The following AJAP1 variants were observed in gnomAD, a reference collection of about 807,000 sequenced individuals.
AJAP1 encodes adherens junction-associated protein 1.
AJAP1 carries 5 observed loss-of-function variants against 35.0 expected under a neutral mutation model. The observed-to-expected ratio is 0.14, with a 90% CI of 0.07 to 0.30. AJAP1 has a LOEUF of 0.30. Ranked by LOEUF, AJAP1 falls within the 10% of genes least tolerant of loss-of-function variation. The pLI, the probability that AJAP1 is intolerant of heterozygous loss-of-function variation, is 1.00. For missense variants in AJAP1, 586 were observed against 571.0 expected, an observed-to-expected ratio of 1.03 and a Z score of -0.27; for synonymous variants, 284 against 249.3, an observed-to-expected ratio of 1.14 and a Z score of -1.31.
Position 4,684,212 on chromosome 1 carries a change from G to C in AJAP1, c.30-27688G>C, listed in dbSNP as rs535484798. Among the ~76,000 whole-genome samples, 43 of 152,324 alleles carry C rather than the reference G, an allele frequency of 2.8e-4. No homozygotes were observed. The Middle Eastern group carries it at 0.017, about 60-fold the overall frequency. Reference sequence around the variant, plus strand: ...GCAGGGCGGGAATGCATCCCCAGCTGTTTGGGGGGCAGCTGTTAACACGCT... The same window carrying C: ...GCAGGGCGGGAATGCATCCCCAGCTCTTTGGGGGGCAGCTGTTAACACGCT... On this transcript the variant is annotated intron_variant, in intron 1 of 5. Transcript: ENST00000378191.
chr1:4,729,690 G>A (rs554941211), intron 2 of AJAP1, among the ~76,000 whole-genome samples: 1 of 133,224 alleles, frequency 7.5e-6, no homozygotes, highest in South Asian at 2.6e-4. Flanking sequence ...GGCCCACCCC[G>A]ATGGCCTCAT....
chr1:4,714,599 C>T (rs755837119), intron 2 of AJAP1, among the ~76,000 whole-genome samples: 13 of 152,190 alleles, frequency 8.5e-5, no homozygotes, highest in Non-Finnish European at 1.3e-4. Context: ...TAATCCATCT[C>T]GACAGATGCT....
At chr1:4,663,887 G>A (rs968062208) in intron 1 of AJAP1, among the ~76,000 whole-genome samples, 10 of 152,280 alleles carry the variant, frequency 6.6e-5, no homozygotes, top group Admixed American at 2.6e-4. Context: ...GGTGACTCCA[G>A]TACTGCAAAA....
At chr1:4,678,728 G>A (rs59390834) in intron 1 of AJAP1, among the ~76,000 whole-genome samples, 12,300 of 152,222 alleles carry the variant, frequency 0.081, 700 homozygotes, top group East Asian at 0.22. Flanking sequence ...ACTCGAGGGA[G>A]TGCACCATCT....
chr1:4,674,627 A>G (rs1639321844), intron 1 of AJAP1, among the ~76,000 whole-genome samples: 1 of 152,152 alleles, frequency 6.6e-6, no homozygotes. Flanking sequence ...GTGGCTGGCC[A>G]GGCCTTCAGG....
chr1:4,682,356 C>A (rs1639502797), intron 1 of AJAP1, among the ~76,000 whole-genome samples: 1 of 152,214 alleles, frequency 6.6e-6, no homozygotes, highest in South Asian at 2.1e-4. Context: ...CCACCTTCCC[C>A]TATGCATCTC....
rs961325670 is a variant in AJAP1, at chr1:4,785,993, G to C, written c.*3508G>C. 6.6e-6 allele frequency: 1 copy of C among 152,180 alleles called. No individual in the cohort carries two copies. Among genetic ancestry groups the C allele is most frequent in the Admixed American group, 6.5e-5 (1 of 15,280 alleles). The allele number at this position is 152,180 out of a possible 1,614,324, so 9.4% of individuals were successfully genotyped here. A position where few individuals can be genotyped will look rare whatever the true frequency, so the allele number is the denominator to read the frequency against. The stretch of plus-strand genomic sequence containing the variant: ...AGTCGCTGCTAGTCTTCACACGCTT[G>C]ATGTCACTTTGTCTGATTGGAATAT... On this transcript the variant is annotated 3_prime_UTR_variant, in exon 6 of 6. Coordinates refer to ENST00000378191, the MANE Select transcript of AJAP1 (RefSeq NM_018836.4).
chr1:4,666,166 C>T (rs564056754), intron 1 of AJAP1, among the ~76,000 whole-genome samples: 6 of 147,748 alleles, frequency 4.1e-5, no homozygotes, highest in South Asian at 2.2e-4. Context: ...AGGGGCACCC[C>T]GCAGTGAAAT....
At chr1:4,681,275 T>C (rs997292062) in intron 1 of AJAP1, among the ~76,000 whole-genome samples, 6 of 152,228 alleles carry the variant, frequency 3.9e-5, no homozygotes, top group Non-Finnish European at 7.3e-5. Context: ...GCACGGACAG[T>C]GTGCAAAATT....
At chr1:4,708,634 C>T (rs550028767) in intron 1 of AJAP1, among the ~76,000 whole-genome samples, 1 of 152,318 alleles carries the variant, frequency 6.6e-6, no homozygotes, top group South Asian at 2.1e-4. Context: ...GGAGATAGAG[C>T]CAAGTCCTCC....
At chr1:4,661,067 C>G (rs577173707) in intron 1 of AJAP1, among the ~76,000 whole-genome samples, 13 of 152,286 alleles carry the variant, frequency 8.5e-5, no homozygotes, top group Non-Finnish European at 1.8e-4. Context: ...CTTGAGAAGG[C>G]AGACACTGGT....
intron 1 of AJAP1, among the ~76,000 whole-genome samples, chr1:4,689,041 C>T (rs965683686): frequency 6.6e-6 from 1 of 151,996 alleles, no homozygotes; most frequent in Admixed American, 6.6e-5. Flanking sequence ...GTCTGAGACC[C>T]CGCCTGCCCC....
chr1:4,760,267 G>A (rs1046911492), intron 2 of AJAP1, among the ~76,000 whole-genome samples: 2 of 151,758 alleles, frequency 1.3e-5, no homozygotes, highest in East Asian at 1.9e-4. Flanking sequence ...ATGTGTGTCC[G>A]TGTATGTGTG....
intron 3 of AJAP1, among the ~76,000 whole-genome samples, chr1:4,771,699 C>G (rs1283667203): frequency 6.6e-6 from 1 of 152,202 alleles, no homozygotes; most frequent in East Asian, 1.9e-4. Flanking sequence ...GCACGCAGGA[C>G]ACTTCCCTCT....
rs1642232710 is a variant in AJAP1, at chr1:4,790,580, C to T, written c.*8095C>T. Reference sequence around the variant, plus strand: ...GAATTTAACTGCCACAATCTATCCGCAGATGTGTTTTGTTCTATTTCTTGT... The same window carrying T: ...GAATTTAACTGCCACAATCTATCCGTAGATGTGTTTTGTTCTATTTCTTGT... On this transcript the variant is annotated 3_prime_UTR_variant, in exon 6 of 6. Transcript: ENST00000378191. 2 of 152,228 alleles carry T rather than the reference C, an allele frequency of 1.3e-5. No individual in the cohort carries two copies. The highest frequency in any genetic ancestry group is 2.9e-5 in the Non-Finnish European group (2 of 68,042). 9.4% of individuals were successfully genotyped at this position (152,228 alleles called of 1,614,324 possible). A position where few individuals can be genotyped will look rare whatever the true frequency, so the allele number is the denominator to read the frequency against.
rs565913508 is a variant in AJAP1 at position 4,680,478 on chromosome 1, T to C, written c.29+25024T>C. 2.0e-4 allele frequency among the ~76,000 whole-genome samples: 30 copies of C among 152,292 alleles called. 1 individual carries two copies. The highest frequency in any genetic ancestry group is 3.8e-4 in the Non-Finnish European group (26 of 68,014). ...ACAATTCCACCCAGTTACACCCTCC[T>C]ATGGGAGACAGAGGCTGGGTAGGGG... On this transcript the variant is annotated intron_variant, in intron 1 of 5. Transcript: ENST00000378191.
rs560292068 is a variant in AJAP1 at position 4,692,169 on chromosome 1, G to C, written c.30-19731G>C. Among the ~76,000 whole-genome samples the C allele has an allele frequency of 3.3e-5, 5 of 152,254 alleles. No homozygotes were observed. In the East Asian group the frequency reaches 9.7e-4, roughly 30 times the overall value. ...TTCTCGAGGGTTAGGAGTCAGCCCC[G>C]CTTAATAGGTGAGGAAACTTAGGCA... On this transcript the variant is annotated intron_variant, in intron 1 of 5. Transcript: ENST00000378191. The surrounding 1 kb of genome is among the most constrained non-coding windows in gnomAD (Gnocchi z 4.4).
In AJAP1 at chr1:4,776,659, T is replaced by C. The variant is rs375657835; in HGVS notation, c.*59+2101T>C. On this transcript the variant is annotated intron_variant, in intron 5 of 5. Transcript: ENST00000378191. ...CTCCCCTTCCAGCAGCATGGGGCACTGAAGACCCCCCAGAAATACTGTTGG... is the reference window on the plus strand; with the variant it reads ...CTCCCCTTCCAGCAGCATGGGGCACCGAAGACCCCCCAGAAATACTGTTGG... Among the ~76,000 whole-genome samples, 5 of 152,340 alleles carry C rather than the reference T, an allele frequency of 3.3e-5. No individual in the cohort carries two copies. In the East Asian group the frequency reaches 7.7e-4, roughly 24 times the overall value.
chr1:4,712,121 C>A lies in AJAP1; in HGVS notation c.251C>A (p.Pro84His). Residue 84 changes from proline (P) to histidine (H), a missense_variant, in exon 2 of 6, where the codon CCC becomes CAC. Physicochemically the swap from Pro to His is moderately conservative, Grantham distance 77 (BLOSUM62 -2). Coordinates refer to ENST00000378191, the MANE Select transcript of AJAP1 (RefSeq NM_018836.4). Reference protein sequence around the residue: ...VPAPVWSPRPPRVERIHGQMQ... With the variant: ...VPAPVWSPRPHRVERIHGQMQ... Reference sequence around the variant, plus strand: ...GCCCCGGTGTGGAGCCCCCGGCCGCCCCGAGTGGAGCGGATCCACGGGCAG... The same window carrying A: ...GCCCCGGTGTGGAGCCCCCGGCCGCACCGAGTGGAGCGGATCCACGGGCAG... 1 of 1,546,362 alleles carries A rather than the reference C, an allele frequency of 6.5e-7. No individual in the cohort carries two copies. Among genetic ancestry groups the A allele is most frequent in the Non-Finnish European group, 8.7e-7 (1 of 1,153,634 alleles).
Sources: gnomAD v4.1 joint callset for allele counts (sites outside exome capture counted in the v4.1 genomes callset) on GRCh38, gnomAD v4.1.1 for gene constraint, Gnocchi (gnomAD v3.1) non-coding constraint, MANE v1.5 for transcripts, NCBI Gene and HGNC (gene_info 2026-07-23, HGNC 2026-07-21) for gene names.